The following OPRM1 variants were observed in gnomAD, a reference collection of about 807,000 sequenced individuals.
OPRM1 encodes mu-type opioid receptor.
In OPRM1, 27 loss-of-function variants were observed where a neutral mutation model predicts 31.8. The ratio of observed to expected loss-of-function variants is 0.85; its 90% CI spans 0.63 to 1.17. OPRM1 has a LOEUF of 1.17. Ranked by LOEUF, OPRM1 falls within the 50% of genes most tolerant of loss-of-function variation. The probability of loss-of-function intolerance (pLI) is 0.00; values close to 1 mark genes in which losing one functional copy is unlikely to be tolerated. For synonymous variants in OPRM1, 196 were observed against 189.9 expected, an observed-to-expected ratio of 1.03 and a Z score of -0.26; for missense variants, 536 against 511.1, an observed-to-expected ratio of 1.05 and a Z score of -0.47.
At chr6:154,012,232 T>A (rs2128374968) in intron 1 of OPRM1, among the ~76,000 whole-genome samples, 1 of 152,284 alleles carries the variant, frequency 6.6e-6, no homozygotes, top group Admixed American at 6.5e-5. Context: ...CAAGTAAAGC[T>A]CAGTAGAAAT....
intron 3 of OPRM1, chr6:154,159,082 T>A (rs1798828724): frequency 6.6e-6 from 1 of 152,146 alleles, no homozygotes; most frequent in African/African-American, 2.4e-5. Flanking sequence ...TACCATTGAG[T>A]AGGAAAGCTC....
At chr6:154,225,035 G>A (rs976419539) in intron 3 of OPRM1, among the ~76,000 whole-genome samples, 1 of 152,140 alleles carries the variant, frequency 6.6e-6, no homozygotes, top group Non-Finnish European at 1.5e-5. Context: ...TCCACTTTTA[G>A]ATCTACAGAC....
At chr6:154,165,119 T>C (rs1799323104) in intron 3 of OPRM1, among the ~76,000 whole-genome samples, 2 of 152,134 alleles carry the variant, frequency 1.3e-5, no homozygotes, top group Admixed American at 6.5e-5. Context: ...CATAAACATT[T>C]CCTCTGTGTA....
chr6:154,097,065 T>C (rs1032559544), intron 3 of OPRM1, among the ~76,000 whole-genome samples: 4 of 152,216 alleles, frequency 2.6e-5, no homozygotes, highest in African/African-American at 4.8e-5. Flanking sequence ...AAATGAGTTA[T>C]GTGTTTTGTG....
intron 3 of OPRM1, among the ~76,000 whole-genome samples, chr6:154,140,875 T>C (rs1055774792): frequency 1.3e-5 from 2 of 152,200 alleles, no homozygotes; most frequent in Non-Finnish European, 2.9e-5. Flanking sequence ...ATCAAGTCCA[T>C]TCAAGAGTTG....
Position 154,039,486 on chromosome 6 carries a change from G to T in OPRM1, c.-59G>T, listed in dbSNP as rs754614875. ...GAAGCGGCTGAGGCGCTTGGAACCC[G>T]AAAAGTCTCGGTGCTCCTGGCTACC... On this transcript the variant is annotated 5_prime_UTR_variant, in exon 1 of 4. Coordinates refer to ENST00000330432, the MANE Select transcript of OPRM1 (RefSeq NM_000914.5). 2 of 1,563,440 alleles carry T rather than the reference G, an allele frequency of 1.3e-6. No individual in the cohort carries two copies. The highest frequency in any genetic ancestry group is 1.7e-6 in the Non-Finnish European group (2 of 1,153,650).
At chr6:154,022,648 G>A (rs182063245) in intron 1 of OPRM1, among the ~76,000 whole-genome samples, 9 of 152,272 alleles carry the variant, frequency 5.9e-5, no homozygotes, top group Admixed American at 1.3e-4. Context: ...GTCCTTGAAA[G>A]TTTCCCCAAT....
Position 154,108,838 on chromosome 6 carries a change from A to AT in OPRM1, c.1165-9844dup, listed in dbSNP as rs1795996845. 18 of 985,178 alleles carry AT rather than the reference A, an allele frequency of 1.8e-5. No homozygotes were observed. In the South Asian group the frequency reaches 8.0e-4, roughly 44 times the overall value. The allele number at this position is 985,178 out of a possible 1,614,324, so 61.0% of individuals were successfully genotyped here. A position where few individuals can be genotyped will look rare whatever the true frequency, so the allele number is the denominator to read the frequency against. On this transcript the variant is annotated intron_variant, in intron 3 of 3. Transcript: ENST00000330432. The stretch of plus-strand genomic sequence containing the variant: ...AATGCTTGATAACCTCGGTGATAAG[A>AT]TAAAAAACCAAGCATACTAGAAGTG...
chr6:154,034,961 G>A (rs546525778), upstream of OPRM1, among the ~76,000 whole-genome samples: 1 of 152,270 alleles, frequency 6.6e-6, no homozygotes, highest in East Asian at 1.9e-4. Flanking sequence ...GGACGATTCT[G>A]TACAGTTAAA....
At chr6:154,150,580 G>A (rs183114792) in intron 3 of OPRM1, among the ~76,000 whole-genome samples, 2 of 152,196 alleles carry the variant, frequency 1.3e-5, no homozygotes, top group South Asian at 2.1e-4. Context: ...GAAGACTGGG[G>A]GCTTGGAGCC....
chr6:154,065,348 C>G (rs1163511822), intron 1 of OPRM1, among the ~76,000 whole-genome samples: 1 of 152,000 alleles, frequency 6.6e-6, no homozygotes. Context: ...TGGGGTTTCA[C>G]CATGTTGGCC....
intron 1 of OPRM1, among the ~76,000 whole-genome samples, chr6:154,077,735 A>C (rs908319995): frequency 6.6e-6 from 1 of 152,106 alleles, no homozygotes; most frequent in Admixed American, 6.5e-5. Context: ...CATCTAAAAA[A>C]ATAATTAATT....
At chr6:154,063,106 T>C (rs1223556671) in intron 1 of OPRM1, among the ~76,000 whole-genome samples, 1 of 152,046 alleles carries the variant, frequency 6.6e-6, no homozygotes, top group Non-Finnish European at 1.5e-5. Context: ...TTTGCTTGCA[T>C]AGCAACAAAT....
intron 3 of OPRM1, among the ~76,000 whole-genome samples, chr6:154,196,702 A>G (rs1351936707): frequency 6.6e-6 from 1 of 152,228 alleles, no homozygotes; most frequent in African/African-American, 2.4e-5. Context: ...GGTAAAATTG[A>G]GCTGAAATGA....
At chr6:154,106,745 G>A (rs1395936955) in intron 3 of OPRM1, among the ~76,000 whole-genome samples, 1 of 152,084 alleles carries the variant, frequency 6.6e-6, no homozygotes, top group East Asian at 1.9e-4. Context: ...TAGCTAGGGG[G>A]CATGGTAAAT....
At chr6:154,164,996 TACGGA>T (rs1799313691) in intron 3 of OPRM1, among the ~76,000 whole-genome samples, 1 of 152,196 alleles carries the variant, frequency 6.6e-6, no homozygotes, top group Admixed American at 6.5e-5. Flanking sequence ...TTTTCTTATT[TACGGA>T]ATGCACCTGC....
chr6:154,165,925 A>G (rs1799390287), intron 3 of OPRM1, among the ~76,000 whole-genome samples: 1 of 152,182 alleles, frequency 6.6e-6, no homozygotes, highest in African/African-American at 2.4e-5. Flanking sequence ...GGCAACTGAG[A>G]CCCTCAGTCC....
At chr6:154,192,212 A>G (rs1801951360) in intron 3 of OPRM1, among the ~76,000 whole-genome samples, 1 of 152,088 alleles carries the variant, frequency 6.6e-6, no homozygotes, top group Non-Finnish European at 1.5e-5. Context: ...GGTTCCACCA[A>G]AATATATCTC....
chr6:154,039,282 C>T lies in OPRM1; in HGVS notation c.-263C>T, dbSNP rs1039019522. 1 of 1,551,432 alleles carries T rather than the reference C, an allele frequency of 6.4e-7. No individual in the cohort carries two copies. Among genetic ancestry groups the T allele is most frequent in the African/African-American group, 1.4e-5 (1 of 73,042 alleles). Reference sequence around the variant, plus strand: ...TCCGAATCCCGCATGGCCCACGCTCCCCTCCTGCAGCGGTGCGGGGCAGGT... The same window carrying T: ...TCCGAATCCCGCATGGCCCACGCTCTCCTCCTGCAGCGGTGCGGGGCAGGT... On this transcript the variant is annotated 5_prime_UTR_variant, in exon 1 of 4. Coordinates refer to ENST00000330432, the MANE Select transcript of OPRM1 (RefSeq NM_000914.5).
Sources: allele counts gnomAD v4.1 joint callset (sites outside exome capture counted in the v4.1 genomes callset), GRCh38; gene constraint gnomAD v4.1.1; transcripts MANE v1.5; gene names NCBI Gene and HGNC (gene_info 2026-07-23, HGNC 2026-07-21).